The following RPH3A variants were observed in gnomAD, a reference collection of about 807,000 sequenced individuals.
RPH3A encodes rabphilin 3A, also known as rabphilin-3A.
RPH3A carries 48 observed loss-of-function variants against 102.2 expected under a neutral mutation model. That is an observed-to-expected ratio of 0.47 (90% CI 0.37 to 0.60). The LOEUF is 0.60. RPH3A is among the 20% of genes least tolerant of loss of function. The probability of loss-of-function intolerance (pLI) is 0.00; values close to 1 mark genes in which losing one functional copy is unlikely to be tolerated. For missense variants in RPH3A, 781 were observed against 910.1 expected, an observed-to-expected ratio of 0.86 and a Z score of 1.83; for synonymous variants, 310 against 324.3, an observed-to-expected ratio of 0.96 and a Z score of 0.47.
At chr12:112,891,248 C>T (rs183714192) in intron 19 of RPH3A, 9 of 525,774 alleles carry the variant, frequency 1.7e-5, no homozygotes, top group Admixed American at 6.6e-5. Context: ...CTCTTGAGGG[C>T]CTGCTGATGG....
chr12:112,852,596 A>G (rs1043091525), intron 5 of RPH3A, among the ~76,000 whole-genome samples: 3 of 152,284 alleles, frequency 2.0e-5, no homozygotes, highest in Middle Eastern at 3.4e-3. Context: ...TTCCTACGGA[A>G]GGAACTCTGA....
Position 112,869,759 on chromosome 12 carries a change from G to T in RPH3A, c.611G>T (p.Gly204Val). The T allele has an allele frequency of 1.2e-6, 2 of 1,614,138 alleles. No homozygotes were observed. The highest frequency in any genetic ancestry group is 1.1e-5 in the South Asian group (1 of 91,074). ...PKHPARAPAR[G>V]DSEDRRGPGQ... The stretch of plus-strand genomic sequence containing the variant: ...CATAATTTGTGTTTTCTTTCTCCAG[G>T]TGACAGTGAAGATAGGAGGGGCCCG... The change falls in exon 9 of 22, where the codon GGT becomes GTT. Residue 204 changes from glycine (G) to valine (V), a missense_variant and splice_region_variant. Physicochemically the swap from Gly to Val is moderately radical, Grantham distance 109. Coordinates refer to ENST00000389385, the MANE Select transcript of RPH3A (RefSeq NM_001143854.2).
chr12:112,825,536 C>A (rs562344774), intron 2 of RPH3A, among the ~76,000 whole-genome samples: 5 of 152,190 alleles, frequency 3.3e-5, no homozygotes, highest in East Asian at 1.9e-4. Context: ...TCTCTCCCCC[C>A]CTTACTCTTG....
chr12:112,621,686 C>T (rs1256024656), intron 1 of RPH3A, among the ~76,000 whole-genome samples: 2 of 152,146 alleles, frequency 1.3e-5, no homozygotes, highest in East Asian at 1.9e-4. Context: ...CCAGGAAGCT[C>T]GAACTGGGTG....
intron 1 of RPH3A, among the ~76,000 whole-genome samples, chr12:112,731,966 T>C (rs757845868): frequency 2.0e-5 from 3 of 152,220 alleles, no homozygotes; most frequent in Non-Finnish European, 4.4e-5. Context: ...TTCAGTGGGC[T>C]GGGAAGCCTC....
chr12:112,653,062 C>G (rs151072935), intron 1 of RPH3A, among the ~76,000 whole-genome samples: 1 of 151,958 alleles, frequency 6.6e-6, no homozygotes, highest in Non-Finnish European at 1.5e-5. Context: ...CTAAACATAT[C>G]TAAATAGAAA....
chr12:112,852,952 G>C (rs2042348005), intron 5 of RPH3A, among the ~76,000 whole-genome samples: 1 of 152,172 alleles, frequency 6.6e-6, no homozygotes, highest in African/African-American at 2.4e-5. Flanking sequence ...TTCGAGGTCA[G>C]CTTCCCTAAA....
intron 1 of RPH3A, among the ~76,000 whole-genome samples, chr12:112,602,903 GA>G (rs922062710): frequency 6.6e-6 from 1 of 152,028 alleles, no homozygotes; most frequent in African/African-American, 2.4e-5. Flanking sequence ...ATTAACAAGA[GA>G]AAAAAATATA....
intron 1 of RPH3A, among the ~76,000 whole-genome samples, chr12:112,660,680 G>A (rs1167116099): frequency 6.6e-6 from 1 of 152,054 alleles, no homozygotes; most frequent in African/African-American, 2.4e-5. Context: ...GTGAGACCCT[G>A]TCTCCAAAAC....
At chr12:112,856,528 G>C (rs2042414489) in intron 5 of RPH3A, among the ~76,000 whole-genome samples, 1 of 151,444 alleles carries the variant, frequency 6.6e-6, no homozygotes, top group Admixed American at 6.6e-5. Flanking sequence ...ATAGCCGTAA[G>C]TACACATGCC....
At chr12:112,788,590 A>G (rs148899955), upstream of RPH3A, among the ~76,000 whole-genome samples, 1 of 152,358 alleles carries the variant, frequency 6.6e-6, no homozygotes, top group East Asian at 1.9e-4. Flanking sequence ...GTAGCTGTGA[A>G]GTGTGGGGAT....
intron 1 of RPH3A, among the ~76,000 whole-genome samples, chr12:112,653,527 T>A (rs759597762): frequency 4.6e-5 from 7 of 152,186 alleles, no homozygotes; most frequent in Non-Finnish European, 1.0e-4. Context: ...TGTGCACTGC[T>A]GTGGACTTTA....
chr12:112,866,878 T>C, intron 7 of RPH3A, 38 bp downstream of exon 7: 2 of 1,533,458 alleles, frequency 1.3e-6, no homozygotes, highest in South Asian at 1.2e-5. Flanking sequence ...TAGATCACCC[T>C]CCTTTCTTGG....
rs1159148396 is a variant in RPH3A at position 112,868,582 on chromosome 12, G to T, written c.597G>T (p.Arg199=). ...QPAPEPKHPA[R]APARGDSEDR... is the part of the protein sequence containing the mutation. ...CTCCTGAGCCCAAGCACCCTGCCCG[G>T]GCTCCAGCTCGAGGTAGGACAAAAC... Residue 199 remains arginine (R), a synonymous_variant, in exon 8 of 22, where the codon CGG becomes CGT. Coordinates refer to ENST00000389385, the MANE Select transcript of RPH3A (RefSeq NM_001143854.2). The T allele has an allele frequency of 6.2e-7, 1 of 1,613,878 alleles. No individual in the cohort carries two copies. Among genetic ancestry groups the T allele is most frequent in the Admixed American group, 1.7e-5 (1 of 59,964 alleles).
At chr12:112,877,113 A>G (rs143014507) in intron 13 of RPH3A, among the ~76,000 whole-genome samples, 2 of 152,306 alleles carry the variant, frequency 1.3e-5, no homozygotes. Context: ...CATCAATGGT[A>G]CCATGTAAAT....
chr12:112,771,033 A>G (rs1253552929), intron 1 of RPH3A, among the ~76,000 whole-genome samples: 1 of 152,240 alleles, frequency 6.6e-6, no homozygotes, highest in East Asian at 1.9e-4. Context: ...GGAAAGGTAC[A>G]AGTGGTTGCA....
intron 1 of RPH3A, among the ~76,000 whole-genome samples, chr12:112,588,257 T>C (rs1239868512): frequency 1.3e-5 from 2 of 152,248 alleles, no homozygotes. Context: ...CTCATGCTGC[T>C]AATAAAGACA....
intron 1 of RPH3A, among the ~76,000 whole-genome samples, chr12:112,592,803 C>G (rs537714486): frequency 8.5e-5 from 13 of 152,118 alleles, no homozygotes; most frequent in Non-Finnish European, 1.6e-4. Flanking sequence ...ATTCCCAGAC[C>G]CTTGTAGTTA....
At chr12:112,665,620 T>G (rs1003895934) in intron 1 of RPH3A, among the ~76,000 whole-genome samples, 2 of 152,172 alleles carry the variant, frequency 1.3e-5, no homozygotes, top group Non-Finnish European at 2.9e-5. Flanking sequence ...TTCTATATGT[T>G]TTAATTGTTG....
Sources: allele counts gnomAD v4.1 joint callset (sites outside exome capture counted in the v4.1 genomes callset), GRCh38; gene constraint gnomAD v4.1.1; transcripts MANE v1.5; gene names NCBI Gene and HGNC (gene_info 2026-07-23, HGNC 2026-07-21).